The following CLEC16A variants were observed in gnomAD, a reference collection of about 807,000 sequenced individuals.
The protein encoded by CLEC16A is C-type lectin domain containing 16A.
A neutral mutation model predicts 109.5 loss-of-function variants in CLEC16A; 51 were observed. The ratio of observed to expected loss-of-function variants is 0.47; its 90% CI spans 0.37 to 0.59. The LOEUF (loss-of-function observed/expected upper bound fraction) is 0.59, where lower values mean the gene tolerates loss of function less well. CLEC16A is among the 20% of genes least tolerant of loss of function. The pLI is 0.00. For missense variants in CLEC16A, 1,339 were observed against 1,394.0 expected (o/e 0.96, Z 0.63); for synonymous variants, 673 against 564.2 (o/e 1.19, Z -2.73).
At chr16:11,118,539 A>G (rs2052172864) in intron 19 of CLEC16A, among the ~76,000 whole-genome samples, 2 of 152,182 alleles carry the variant, frequency 1.3e-5, no homozygotes, top group South Asian at 4.1e-4. Flanking sequence ...CTCTTGCTTT[A>G]CTGTCTTTAC....
intron 19 of CLEC16A, among the ~76,000 whole-genome samples, chr16:11,100,578 C>T (rs996726058): frequency 6.6e-6 from 1 of 152,144 alleles, no homozygotes; most frequent in Non-Finnish European, 1.5e-5. Flanking sequence ...TTGGGCATTT[C>T]CTGCTTGGGG....
At chr16:10,987,225 G>C (rs7197758) in intron 10 of CLEC16A, among the ~76,000 whole-genome samples, 2 of 151,722 alleles carry the variant, frequency 1.3e-5, no homozygotes, top group African/African-American at 4.8e-5. Context: ...AGTTGTAACA[G>C]ATAATACAGA....
chr16:11,031,780 G>C (rs75052343), intron 13 of CLEC16A, among the ~76,000 whole-genome samples: 2,438 of 152,252 alleles, frequency 0.016, 66 homozygotes, highest in African/African-American at 0.055. Flanking sequence ...ATAAAACTAG[G>C]TAATGCGGTG....
Position 10,962,461 on chromosome 16 carries a change from C to A in CLEC16A, c.216C>A (p.Phe72Leu), listed in dbSNP as rs759233805. Residue 72 changes from phenylalanine (F) to leucine (L), a missense_variant, in exon 3 of 24, where the codon TTC becomes TTA. Phe to Leu is a conservative substitution (Grantham distance 22). This residue lies in a region of CLEC16A where 117 missense variants were observed against 120.2 expected (regional missense o/e 0.97). Transcript: ENST00000409790. ...TTTTCCATTCTCTCCCCAGCTTCTT[C>A]CTGGAGAAGAATATGTTTGTTTTCT... is the stretch of plus-strand genomic sequence containing the variant. ...DQNDSSVFDF[F>L]LEKNMFVFFL... is the part of the protein sequence containing the mutation. 2 of 1,613,844 alleles carry A rather than the reference C, an allele frequency of 1.2e-6. No homozygotes were observed. Among genetic ancestry groups the A allele is most frequent in the African/African-American group, 1.3e-5 (1 of 74,914 alleles).
chr16:10,949,034 C>T (rs1458667531), intron 1 of CLEC16A, among the ~76,000 whole-genome samples: 1 of 152,154 alleles, frequency 6.6e-6, no homozygotes, highest in Non-Finnish European at 1.5e-5. Flanking sequence ...ATATTCCCTT[C>T]CCTGGAGCAA....
chr16:11,111,119 T>C (rs929358349), intron 19 of CLEC16A, among the ~76,000 whole-genome samples: 4 of 152,140 alleles, frequency 2.6e-5, no homozygotes, highest in African/African-American at 9.7e-5. Flanking sequence ...ACTGAAAGAA[T>C]TTTAGAATTT....
intron 19 of CLEC16A, among the ~76,000 whole-genome samples, chr16:11,065,095 C>G (rs1255002892): frequency 6.6e-6 from 1 of 152,218 alleles, no homozygotes; most frequent in Non-Finnish European, 1.5e-5. Context: ...AGGAAGGGAG[C>G]TGTATCCCGT....
intron 1 of CLEC16A, among the ~76,000 whole-genome samples, chr16:10,946,368 C>T (rs895550170): frequency 6.6e-6 from 1 of 152,060 alleles, no homozygotes; most frequent in Non-Finnish European, 1.5e-5. Context: ...CATGGAGCAG[C>T]ATTTAGTAAA....
intron 19 of CLEC16A, among the ~76,000 whole-genome samples, chr16:11,118,850 C>T (rs533643860): frequency 2.0e-5 from 3 of 152,282 alleles, no homozygotes; most frequent in East Asian, 3.9e-4. Context: ...CATTCTTCTG[C>T]GTATGGCTGT....
At chr16:11,031,554 A>AT (rs1467943897) in intron 13 of CLEC16A, among the ~76,000 whole-genome samples, 1 of 152,048 alleles carries the variant, frequency 6.6e-6, no homozygotes, top group Non-Finnish European at 1.5e-5. Context: ...TCCTTCTCCC[A>AT]TTTTCTGCTA....
At chr16:10,964,192 G>A (rs1389772383) in intron 3 of CLEC16A, among the ~76,000 whole-genome samples, 3 of 152,194 alleles carry the variant, frequency 2.0e-5, no homozygotes, top group Non-Finnish European at 4.4e-5. Context: ...TCTCGCAGCC[G>A]CCGCTAGGTG....
At chr16:10,999,008 A>G (rs558872819) in intron 10 of CLEC16A, among the ~76,000 whole-genome samples, 5 of 151,992 alleles carry the variant, frequency 3.3e-5, no homozygotes, top group African/African-American at 1.2e-4. Flanking sequence ...CAAAAAACAA[A>G]AAACAGGTTT....
Position 10,944,673 on chromosome 16 carries a change from T to G in CLEC16A, c.-45T>G, listed in dbSNP as rs751325132. 6 of 1,555,168 alleles carry G rather than the reference T, an allele frequency of 3.9e-6. No homozygotes were observed. The East Asian group carries it at 1.2e-4, about 30-fold the overall frequency. ...CGCGGGCGCTGGGCCGCTCTGCTGGTCCGGCATGAGACCGTGAGACGAGAG... is the reference window on the plus strand; with the variant it reads ...CGCGGGCGCTGGGCCGCTCTGCTGGGCCGGCATGAGACCGTGAGACGAGAG... On this transcript the variant is annotated 5_prime_UTR_variant, in exon 1 of 24. Coordinates refer to ENST00000409790, the MANE Select transcript of CLEC16A (RefSeq NM_015226.3).
Position 11,178,513 on chromosome 16 carries a change from CGA to C in CLEC16A, c.2987_2988del (p.Glu996GlyfsTer4). On this transcript the variant is annotated frameshift_variant, in exon 24 of 24. Coordinates refer to ENST00000409790, the MANE Select transcript of CLEC16A (RefSeq NM_015226.3). LOFTEE classifies it low-confidence loss of function (END_TRUNC). The surrounding 1 kb of genome is among the most constrained non-coding windows in gnomAD (Gnocchi z 6.5). ...ARQPTISLLC[E>X]DTADTLSVES... ...GGCAGCCCACCATTTCCCTGCTCTG[CGA>C]GGACACGGCTGACACGCTGAGCGTC... 1 of 1,613,462 alleles carries C rather than the reference CGA, an allele frequency of 6.2e-7. No individual in the cohort carries two copies. Among genetic ancestry groups the C allele is most frequent in the Non-Finnish European group, 8.5e-7 (1 of 1,179,876 alleles).
Position 11,137,491 on chromosome 16 carries a change from C to G in CLEC16A, c.2641+11345C>G, listed in dbSNP as rs183613654. On this transcript the variant is annotated intron_variant, in intron 22 of 23. Coordinates refer to ENST00000409790, the MANE Select transcript of CLEC16A (RefSeq NM_015226.3). The stretch of plus-strand genomic sequence containing the variant: ...GAAATGCCAGCTGGGCGTGGTGGCT[C>G]ACACCTTTAATCCCAGCACTTTGGG... 1.9e-4 allele frequency among the ~76,000 whole-genome samples: 29 copies of G among 150,452 alleles called. 1 individual carries two copies. The East Asian group carries it at 3.9e-3, about 20-fold the overall frequency.
rs542900373 is a variant in CLEC16A, at chr16:11,140,316, G to T, written c.2641+14170G>T. Among the ~76,000 whole-genome samples the T allele has an allele frequency of 2.0e-3, 307 of 152,314 alleles. 3 individuals carry two copies. Among genetic ancestry groups the T allele is most frequent in the African/African-American group, 7.1e-3 (294 of 41,566 alleles). ...GATGGCTGGGTGGCAGGAAGAGTCAGTGTGGATGGAATGAGCCTTCCTCAA... is the reference window on the plus strand; with the variant it reads ...GATGGCTGGGTGGCAGGAAGAGTCATTGTGGATGGAATGAGCCTTCCTCAA... On this transcript the variant is annotated intron_variant, in intron 22 of 23. Transcript: ENST00000409790.
chr16:11,025,112 C>G (rs1370739851), intron 13 of CLEC16A, among the ~76,000 whole-genome samples, 191 bp downstream of exon 13: 5 of 152,060 alleles, frequency 3.3e-5, no homozygotes, highest in Non-Finnish European at 7.4e-5. Context: ...GTTTTTCTAC[C>G]AACTGAAGCC....
chr16:10,964,475 ATC>A (rs1449812916), intron 3 of CLEC16A, among the ~76,000 whole-genome samples: 3 of 152,220 alleles, frequency 2.0e-5, no homozygotes, highest in African/African-American at 7.2e-5. Flanking sequence ...CTGTTTGTGC[ATC>A]TGTCAAGAGG....
chr16:11,084,187 C>T (rs1484776537), intron 19 of CLEC16A, among the ~76,000 whole-genome samples: 1 of 152,088 alleles, frequency 6.6e-6, no homozygotes, highest in Non-Finnish European at 1.5e-5. Context: ...ATGCTTATTC[C>T]TGCCACCATG....
Sources: gnomAD v4.1 joint callset for allele counts (sites outside exome capture counted in the v4.1 genomes callset) on GRCh38, gnomAD v4.1.1 for gene constraint, gnomAD v4.1.1 regional missense constraint, Gnocchi (gnomAD v3.1) non-coding constraint, MANE v1.5 for transcripts, NCBI Gene and HGNC (gene_info 2026-07-23, HGNC 2026-07-21) for gene names.